ASB10: variants seen among roughly 807,000 people sequenced by gnomAD.
ASB10 encodes the protein ankyrin repeat and SOCS box containing 10.
Under a neutral mutation model 35.4 loss-of-function variants are expected in ASB10, and 44 were observed. The ratio of observed to expected loss-of-function variants is 1.24; its 90% CI spans 0.98 to 1.60. ASB10 has a LOEUF of 1.60. Among genes scored for constraint, ASB10 ranks in the 40% most tolerant of loss-of-function variants. The pLI, the probability that ASB10 is intolerant of heterozygous loss-of-function variation, is 0.00. For missense variants in ASB10, 647 were observed against 634.3 expected (o/e 1.02, Z -0.22); for synonymous variants, 294 against 280.4 (o/e 1.05, Z -0.49).
chr7:151,176,150 G>A lies in ASB10; in HGVS notation c.1366C>T (p.Arg456Cys), dbSNP rs776358265. 2.5e-6 allele frequency: 4 copies of A among 1,611,804 alleles called. No homozygotes were observed. The highest frequency in any genetic ancestry group is 2.2e-5 in the East Asian group (1 of 44,894). Residue 456 changes from arginine (R) to cysteine (C), a missense_variant, in exon 5 of 6, where the codon CGC (arginine) becomes TGC (cysteine). Transcript: ENST00000420175. ...CCCTCAAAATCCAGCTGCAGGTAGC[G>A]GAGCAGGCGCGGTGGCAGGGGGAGG... ...PRLPLPPRLL[R>C]YLQLDFEGVL...
chr7:151,183,073 T>C (rs370020352), intron 2 of ASB10, among the ~76,000 whole-genome samples: 1 of 152,246 alleles, frequency 6.6e-6, no homozygotes, highest in African/African-American at 2.4e-5. Flanking sequence ...ACTAGCCACC[T>C]GTGGCTATCG....
chr7:151,178,526 C>T (rs1217202535), intron 3 of ASB10, among the ~76,000 whole-genome samples: 1 of 152,236 alleles, frequency 6.6e-6, no homozygotes, highest in African/African-American at 2.4e-5. Flanking sequence ...CAGGCGATGG[C>T]CACAGAGCCT....
chr7:151,176,018 G>A (rs1019488712), intron 5 of ASB10, 52 bp from the exon 6 acceptor site: 4 of 1,423,666 alleles, frequency 2.8e-6, no homozygotes, highest in African/African-American at 1.4e-5. Context: ...GGGACGGGCC[G>A]GTTCTGGCTA....
At position 151,182,234 on chromosome 7, in the gene ASB10, C is replaced by T. The variant is rs188257122; in HGVS notation, c.585-776G>A. On this transcript the variant is annotated intron_variant, in intron 2 of 5. Transcript: ENST00000420175. ...TGCTGGGACTGGAGGAGGAAGGGGGCGTGGGGCCTGACAGTGGGCACACAT... is the reference window on the plus strand; with the variant it reads ...TGCTGGGACTGGAGGAGGAAGGGGGTGTGGGGCCTGACAGTGGGCACACAT... Among the ~76,000 whole-genome samples, 407 of 151,988 alleles carry T rather than the reference C, an allele frequency of 2.7e-3. 3 individuals carry two copies. The highest frequency in any genetic ancestry group is 9.3e-3 in the African/African-American group (385 of 41,454).
chr7:151,187,019 G>C lies in ASB10; in HGVS notation c.112C>G (p.His38Asp), dbSNP rs1175492287. The C allele has an allele frequency of 4.3e-6, 7 of 1,610,752 alleles. No individual in the cohort carries two copies. Among genetic ancestry groups the C allele is most frequent in the Non-Finnish European group, 5.9e-6 (7 of 1,177,790 alleles). ...ATGGGTCCCGGGCCAGACTTGAGGT[G>C]CTCCTCAGACCCTCTGCTGGGCTTC... ...VEKPSRGSEEHLKSGPGPIVT... is the reference protein window; with the variant it reads ...VEKPSRGSEEDLKSGPGPIVT... The change falls in exon 1 of 6, where the codon CAC becomes GAC. Residue 38 changes from histidine to aspartate, a missense_variant. By Grantham distance (81) the His-to-Asp change is moderately conservative (BLOSUM62 -1). Coordinates refer to ENST00000420175, the MANE Select transcript of ASB10 (RefSeq NM_001142459.2). The surrounding 1 kb of genome is among the most constrained non-coding windows in gnomAD (Gnocchi z 5.3).
In ASB10 at chr7:151,181,032, G is replaced by C; in HGVS notation, c.1011C>G (p.Gly337=). 9.3e-6 allele frequency: 15 copies of C among 1,609,170 alleles called. No individual in the cohort carries two copies. The highest frequency in any genetic ancestry group is 1.3e-5 in the Non-Finnish European group (15 of 1,177,454). Residue 337 remains glycine, a synonymous_variant, in exon 3 of 6, where the codon GGC becomes GGG. Coordinates refer to ENST00000420175, the MANE Select transcript of ASB10 (RefSeq NM_001142459.2). ...GHTPLHCALQ[G]PAAALAQSPE... ...GGCTCTGGGCCAGGGCTGCAGCTGG[G>C]CCCTGCAGAGCACAGTGCAGGGGCG...
chr7:151,180,949 GC>G lies in ASB10; in HGVS notation c.1093del (p.Ala365ProfsTer19), dbSNP rs934337517. The G allele has an allele frequency of 2.6e-6, 4 of 1,534,902 alleles. No individual in the cohort carries two copies. In the African/African-American group the frequency reaches 4.1e-5, roughly 16 times the overall value. ...NHGAVRVWPG[A>X]LPKVLERWST... ...CTGCAGCCCCCATACCTTGGGGAGG[GC>G]CCCTGGCCAGACACGGACGGCGCCA... On this transcript the variant is annotated frameshift_variant, in exon 3 of 6. Coordinates refer to ENST00000420175, the MANE Select transcript of ASB10 (RefSeq NM_001142459.2). LOFTEE classifies it high-confidence loss of function.
rs1197727389 is a variant in ASB10 at position 151,186,510 on chromosome 7, A to G, written c.466T>C (p.Cys156Arg). Residue 156 changes from cysteine (C) to arginine (R), a missense_variant, in exon 2 of 6, where the codon TGT becomes CGT. Cys to Arg is a radical substitution (Grantham distance 180, BLOSUM62 -3). Coordinates refer to ENST00000420175, the MANE Select transcript of ASB10 (RefSeq NM_001142459.2). ...PGGRTALHEA[C>R]AAGHTACVHV... is the part of the protein sequence containing the mutation. ...ACACAGGCAGTGTGGCCTGCAGCAC[A>G]GGCCTCGTGCAGGGCGGTGCGGCCC... 1 of 1,602,664 alleles carries G rather than the reference A, an allele frequency of 6.2e-7. No individual in the cohort carries two copies. The highest frequency in any genetic ancestry group is 8.5e-7 in the Non-Finnish European group (1 of 1,175,034).
intron 2 of ASB10, among the ~76,000 whole-genome samples, chr7:151,184,147 C>G (rs951668209): frequency 1.3e-5 from 2 of 152,030 alleles, no homozygotes; most frequent in African/African-American, 2.4e-5. Context: ...GGCGTGGTGG[C>G]TCACACCTGT....
At chr7:151,181,556 T>A in intron 2 of ASB10, 98 bp from the exon 3 acceptor site, 1 of 1,432,500 alleles carries the variant, frequency 7.0e-7, no homozygotes. Flanking sequence ...CCACCCACCC[T>A]CCATCCTGCC....
In ASB10 at chr7:151,175,780, T is replaced by G. The variant is rs1180821232; in HGVS notation, c.*187A>C. 2 of 342,338 alleles carry G rather than the reference T, an allele frequency of 5.8e-6. No individual in the cohort carries two copies. The highest frequency in any genetic ancestry group is 1.2e-4 in the East Asian group (2 of 17,298). The allele number at this position is 342,338 out of a possible 1,614,324, so 21.2% of individuals were successfully genotyped here. A position where few individuals can be genotyped will look rare whatever the true frequency, so the allele number is the denominator to read the frequency against. ...TCAGGAGAGCCCCAGTAGGAGTGTG[T>G]CTTCATCAGACATCACCCGGCTGCC... On this transcript the variant is annotated 3_prime_UTR_variant, in exon 6 of 6. Coordinates refer to ENST00000420175, the MANE Select transcript of ASB10 (RefSeq NM_001142459.2).
At position 151,178,393 on chromosome 7, in the gene ASB10, G is replaced by A. The variant is rs539737506; in HGVS notation, c.1105-1717C>T. Among the ~76,000 whole-genome samples the A allele has an allele frequency of 2.2e-4, 34 of 152,326 alleles. No homozygotes were observed. The South Asian group carries it at 6.4e-3, about 29-fold the overall frequency. ...CAGTGGAGCAGCCTGTGGACAGACCGTCCACGTGGTCAGAAAAGTGGCCTG... is the reference window on the plus strand; with the variant it reads ...CAGTGGAGCAGCCTGTGGACAGACCATCCACGTGGTCAGAAAAGTGGCCTG... On this transcript the variant is annotated intron_variant, in intron 3 of 5. Transcript: ENST00000420175.
intron 3 of ASB10, among the ~76,000 whole-genome samples, chr7:151,178,077 G>C (rs965044270): frequency 1.3e-5 from 2 of 152,180 alleles, no homozygotes; most frequent in Non-Finnish European, 2.9e-5. Context: ...GTGAAACCCT[G>C]TCTCTACTAA....
At chr7:151,182,217 C>T (rs1801508744) in intron 2 of ASB10, among the ~76,000 whole-genome samples, 1 of 151,990 alleles carries the variant, frequency 6.6e-6, no homozygotes, top group Non-Finnish European at 1.5e-5. Context: ...CATGCTGGGA[C>T]TGGAGGAGGA....
In ASB10 at chr7:151,176,251, G is replaced by T. The variant is rs566879250; in HGVS notation, c.1265C>A (p.Pro422His). 26 of 1,587,646 alleles carry T rather than the reference G, an allele frequency of 1.6e-5. No individual in the cohort carries two copies. The East Asian group carries it at 5.2e-4, about 32-fold the overall frequency. The change falls in exon 5 of 6, where the codon CCC becomes CAC. Residue 422 changes from proline (P) to histidine (H), a missense_variant. By Grantham distance (77) the Pro-to-His change is moderately conservative. Coordinates refer to ENST00000420175, the MANE Select transcript of ASB10 (RefSeq NM_001142459.2). ...GCGGCTCAAATGCTGCAGCGACCTGGGCTGCCTCACCAAGGCGAAGAGGGA... is the reference window on the plus strand; with the variant it reads ...GCGGCTCAAATGCTGCAGCGACCTGTGCTGCCTCACCAAGGCGAAGAGGGA... ...YSSLFALVRQ[P>H]RSLQHLSRCA...
rs544970170 is a variant in ASB10 at position 151,187,065 on chromosome 7, G to C, written c.66C>G (p.Pro22=). The change falls in exon 1 of 6, where the codon CCC becomes CCG. Residue 22 remains proline, a synonymous_variant. Coordinates refer to ENST00000420175, the MANE Select transcript of ASB10 (RefSeq NM_001142459.2). This position sits in a 1 kb window ranked among gnomAD's most constrained non-coding sequence, Gnocchi z 5.3. ...GQGEPLDDRH[P]LCARLVEKPS... is the part of the protein sequence containing the mutation. ...GCTTCTCCACCAGCCTGGCACAGAG[G>C]GGGTGTCTGTCATCGAGGGGCTCTC... 1.4e-4 allele frequency: 219 copies of C among 1,609,798 alleles called. 4 individuals carry two copies. The South Asian group carries it at 2.1e-3, about 16-fold the overall frequency.
chr7:151,180,874 G>A, intron 3 of ASB10, 65 bp downstream of exon 3: 2 of 1,428,140 alleles, frequency 1.4e-6, no homozygotes, highest in Admixed American at 5.7e-5. Context: ...GCAAACCGGA[G>A]CACAGGCCCA....
chr7:151,186,368 G>C (rs773231710), intron 2 of ASB10, 24 bp downstream of exon 2: 4 of 1,563,664 alleles, frequency 2.6e-6, no homozygotes, highest in Non-Finnish European at 3.5e-6. Context: ...GTGGAACTGG[G>C]GGTTGGGGTG....
chr7:151,179,794 C>T (rs567665084), intron 3 of ASB10, among the ~76,000 whole-genome samples: 5 of 152,306 alleles, frequency 3.3e-5, no homozygotes, highest in South Asian at 2.1e-4. Flanking sequence ...GCCCTCCTCC[C>T]GCCCCTGCCT....
Sources: allele counts gnomAD v4.1 joint callset (sites outside exome capture counted in the v4.1 genomes callset), GRCh38; gene constraint gnomAD v4.1.1; non-coding constraint Gnocchi (gnomAD v3.1); transcripts MANE v1.5; gene names NCBI Gene and HGNC (gene_info 2026-07-23, HGNC 2026-07-21).